The following CNTNAP2 variants were observed in gnomAD, a reference collection of about 807,000 sequenced individuals.
CNTNAP2 encodes contactin-associated protein-like 2.
A neutral mutation model predicts 155.2 loss-of-function variants in CNTNAP2; 98 were observed. That is an observed-to-expected ratio of 0.63 (90% CI 0.54 to 0.75). CNTNAP2 has a LOEUF of 0.75. Ranked by LOEUF, CNTNAP2 falls within the 30% of genes least tolerant of loss-of-function variation. The pLI, the probability that CNTNAP2 is intolerant of heterozygous loss-of-function variation, is 0.00. For synonymous variants in CNTNAP2, 651 were observed against 631.2 expected, an observed-to-expected ratio of 1.03 and a Z score of -0.47; for missense variants, 1,727 against 1,688.1, an observed-to-expected ratio of 1.02 and a Z score of -0.40.
intron 4 of CNTNAP2, among the ~76,000 whole-genome samples, chr7:147,067,712 A>C (rs902956205): frequency 6.6e-6 from 1 of 152,226 alleles, no homozygotes; most frequent in Non-Finnish European, 1.5e-5. Flanking sequence ...TTATCCTTAA[A>C]GATGAAACAA....
chr7:146,143,157 C>A (rs1427244366), intron 1 of CNTNAP2, among the ~76,000 whole-genome samples: 1 of 152,130 alleles, frequency 6.6e-6, no homozygotes, highest in African/African-American at 2.4e-5. Context: ...CTCTGCACCT[C>A]CTAAAGAATG....
chr7:146,265,056 G>T (rs938489802), intron 1 of CNTNAP2, among the ~76,000 whole-genome samples: 1 of 152,188 alleles, frequency 6.6e-6, no homozygotes, highest in Non-Finnish European at 1.5e-5. Flanking sequence ...TCTAATGGCT[G>T]TATTTAAAAG....
At chr7:147,002,309 G>C (rs1222145857) in intron 3 of CNTNAP2, among the ~76,000 whole-genome samples, 1 of 151,996 alleles carries the variant, frequency 6.6e-6, no homozygotes, top group African/African-American at 2.4e-5. Flanking sequence ...AGCTTCCTGT[G>C]GGGACAAAAA....
chr7:147,848,371 C>T (rs1272550508), intron 13 of CNTNAP2, among the ~76,000 whole-genome samples: 12 of 150,380 alleles, frequency 8.0e-5, no homozygotes, highest in South Asian at 4.3e-4. Context: ...CAGGTGCGTC[C>T]GTCACCCCTT....
intron 10 of CNTNAP2, among the ~76,000 whole-genome samples, chr7:147,483,582 C>T (rs756659333): frequency 7.9e-5 from 12 of 152,096 alleles, no homozygotes; most frequent in African/African-American, 2.9e-4. Context: ...CTACTTCCCC[C>T]GAATTAATTG....
intron 1 of CNTNAP2, among the ~76,000 whole-genome samples, chr7:146,221,269 C>T (rs1297287007): frequency 6.6e-6 from 1 of 152,146 alleles, no homozygotes; most frequent in East Asian, 1.9e-4. Flanking sequence ...ACAATTTATA[C>T]TGAAGGCTAT....
chr7:146,296,231 A>G (rs1167823536), intron 1 of CNTNAP2, among the ~76,000 whole-genome samples: 2 of 152,100 alleles, frequency 1.3e-5, no homozygotes, highest in African/African-American at 4.8e-5. Flanking sequence ...GAACTGAGTC[A>G]CCTGAGAATA....
At chr7:147,825,243 T>G (rs970691888) in intron 13 of CNTNAP2, among the ~76,000 whole-genome samples, 1 of 152,228 alleles carries the variant, frequency 6.6e-6, no homozygotes, top group Non-Finnish European at 1.5e-5. Flanking sequence ...CTCTATGGGT[T>G]TGTGCAGTTT....
intron 13 of CNTNAP2, among the ~76,000 whole-genome samples, chr7:147,727,805 A>G (rs1455809911): frequency 6.6e-6 from 1 of 151,096 alleles, no homozygotes; most frequent in Non-Finnish European, 1.5e-5. Context: ...TACCAAATAA[A>G]TCAACATTAT....
In CNTNAP2 at chr7:148,096,562, G is replaced by A. The variant is rs796989920; in HGVS notation, c.2384-21556G>A. On this transcript the variant is annotated intron_variant, in intron 15 of 23. Coordinates refer to ENST00000361727, the MANE Select transcript of CNTNAP2 (RefSeq NM_014141.6). ...GGGTGAATATTCATGAAGCCACCAC[G>A]TCATAAAGGTTTGGTTGATGAATAG... Among the ~76,000 whole-genome samples, 25 of 152,104 alleles carry A rather than the reference G, an allele frequency of 1.6e-4. 1 individual carries two copies. Among genetic ancestry groups the A allele is most frequent in the African/African-American group, 5.3e-4 (22 of 41,492 alleles).
chr7:148,140,216 G>C (rs1713503483), intron 16 of CNTNAP2, among the ~76,000 whole-genome samples: 1 of 152,064 alleles, frequency 6.6e-6, no homozygotes, highest in African/African-American at 2.4e-5. Context: ...AATTTGCATG[G>C]GGTATTGCCA....
rs371189360 is a variant in CNTNAP2, at chr7:147,792,908, G to A, written c.2099-110657G>A. ...TTATGGCCATCCTACTCCAGGTGAA[G>A]TAATAATTCAGGGTTTTGATGTTAA... On this transcript the variant is annotated intron_variant, in intron 13 of 23. Coordinates refer to ENST00000361727, the MANE Select transcript of CNTNAP2 (RefSeq NM_014141.6). 6.6e-5 allele frequency among the ~76,000 whole-genome samples: 10 copies of A among 152,106 alleles called. No individual in the cohort carries two copies. In the East Asian group the frequency reaches 1.3e-3, roughly 20 times the overall value.
chr7:146,258,135 A>G lies in CNTNAP2; in HGVS notation c.97+141162A>G, dbSNP rs890492220. 2.6e-5 allele frequency among the ~76,000 whole-genome samples: 4 copies of G among 152,182 alleles called. No individual in the cohort carries two copies. In the East Asian group the frequency reaches 5.8e-4, roughly 22 times the overall value. ...TCGAACTCCTGACCTCAAGTGATCC[A>G]CCTGCCTCGCCCTTCCAGAGTGCTG... On this transcript the variant is annotated intron_variant, in intron 1 of 23. Coordinates refer to ENST00000361727, the MANE Select transcript of CNTNAP2 (RefSeq NM_014141.6).
intron 3 of CNTNAP2, among the ~76,000 whole-genome samples, chr7:146,880,166 G>T (rs1795515045): frequency 6.6e-6 from 1 of 151,998 alleles, no homozygotes. Flanking sequence ...ATAATGAAAA[G>T]TTTATGTCCT....
chr7:146,864,606 A>T (rs1211868331), intron 3 of CNTNAP2, among the ~76,000 whole-genome samples: 1 of 152,180 alleles, frequency 6.6e-6, no homozygotes. Flanking sequence ...AAGCATAAAG[A>T]TTGGAATAGA....
intron 1 of CNTNAP2, among the ~76,000 whole-genome samples, chr7:146,716,225 A>AAC (rs1485288005): frequency 6.6e-5 from 10 of 151,988 alleles, no homozygotes; most frequent in African/African-American, 2.2e-4. Flanking sequence ...AAAAAAAAAA[A>AAC]AAAAAAAGGC....
chr7:148,406,822 G>A (rs1229945526), intron 22 of CNTNAP2, among the ~76,000 whole-genome samples: 1 of 152,136 alleles, frequency 6.6e-6, no homozygotes, highest in Admixed American at 6.5e-5. Context: ...ATGGTTTATG[G>A]GTAGCATGAC....
chr7:146,677,936 A>C (rs1286279044), intron 1 of CNTNAP2, among the ~76,000 whole-genome samples: 1 of 152,060 alleles, frequency 6.6e-6, no homozygotes, highest in East Asian at 1.9e-4. Context: ...CCACGCTCAT[A>C]TCTCTCTGGG....
At chr7:146,719,529 T>C (rs1801248811) in intron 1 of CNTNAP2, among the ~76,000 whole-genome samples, 2 of 152,168 alleles carry the variant, frequency 1.3e-5, no homozygotes, top group African/African-American at 2.4e-5. Flanking sequence ...ACAAACCACT[T>C]CAGCAATTAC....
Sources: allele counts gnomAD v4.1 joint callset (sites outside exome capture counted in the v4.1 genomes callset), GRCh38; gene constraint gnomAD v4.1.1; transcripts MANE v1.5; gene names NCBI Gene and HGNC (gene_info 2026-07-23, HGNC 2026-07-21).